SNRNP70: variants seen among roughly 807,000 people sequenced by gnomAD.
The protein encoded by SNRNP70 is small nuclear ribonucleoprotein U1 subunit 70.
In SNRNP70, 8 loss-of-function variants were observed where a neutral mutation model predicts 50.5. That is an observed-to-expected ratio of 0.16 (90% confidence interval 0.09 to 0.29). The LOEUF (loss-of-function observed/expected upper bound fraction) is 0.29. Among genes scored for constraint, SNRNP70 ranks in the 10% least tolerant of loss-of-function variants. The probability of loss-of-function intolerance (pLI) is 1.00; values close to 1 mark genes in which losing one functional copy is unlikely to be tolerated. For missense variants in SNRNP70, 529 were observed against 663.5 expected (o/e 0.80, Z 2.23); for synonymous variants, 320 against 252.9 (o/e 1.27, Z -2.52).
Position 49,107,555 on chromosome 19 carries a change from C to A in SNRNP70, c.578-70C>A. On this transcript the variant is annotated intron_variant, in intron 8 of 9. Transcript: ENST00000598441. This position sits in a 1 kb window ranked among gnomAD's most constrained non-coding sequence, Gnocchi z 6.0. ...CCTTCCTGCCCTTTGCTCTTGGAGT[C>A]GGCTCATTTCTGCTCCTCCGGGCCC... 6.9e-7 allele frequency: 1 copy of A among 1,448,210 alleles called. No individual in the cohort carries two copies. Among genetic ancestry groups the A allele is most frequent in the South Asian group, 1.1e-5 (1 of 87,100 alleles). The allele number at this position is 1,448,210 out of a possible 1,614,324, so 89.7% of individuals were successfully genotyped here. A position where few individuals can be genotyped will look rare whatever the true frequency, so the allele number is the denominator to read the frequency against.
At chr19:49,089,984 A>T (rs116454912) in intron 2 of SNRNP70, among the ~76,000 whole-genome samples, 1 of 151,766 alleles carries the variant, frequency 6.6e-6, no homozygotes, top group Admixed American at 6.6e-5. Flanking sequence ...TAATTTTTAA[A>T]TTTTTTGTGG....
chr19:49,090,581 GT>G (rs1239182506), intron 4 of SNRNP70, 61 bp downstream of exon 4: 1 of 1,515,708 alleles, frequency 6.6e-7, no homozygotes, highest in Non-Finnish European at 9.2e-7. Context: ...TTCTTCCCAG[GT>G]CATACCCAGG....
At chr19:49,106,025 T>C (rs1325450695) in intron 8 of SNRNP70, among the ~76,000 whole-genome samples, 2 of 152,226 alleles carry the variant, frequency 1.3e-5, no homozygotes, top group Non-Finnish European at 2.9e-5. Context: ...GAGAAGATGA[T>C]GGTCCCTGGG....
intron 6 of SNRNP70, 87 bp from the exon 7 acceptor site, chr19:49,101,303 C>A: frequency 1.0e-6 from 1 of 958,834 alleles, no homozygotes; most frequent in Non-Finnish European, 1.7e-6. Context: ...TCATCCGGCC[C>A]AGGGCCTGGT....
Position 49,108,098 on chromosome 19 carries a change from T to A in SNRNP70, c.969T>A (p.Gly323=), listed in dbSNP as rs746735575. 5.2e-6 allele frequency: 8 copies of A among 1,545,060 alleles called. No individual in the cohort carries two copies. The highest frequency in any genetic ancestry group is 7.0e-6 in the Non-Finnish European group (8 of 1,146,050). ...GGDMAEPSEA[G]DAPPDDGPPG... The stretch of plus-strand genomic sequence containing the variant: ...ACATGGCGGAGCCCTCCGAGGCGGG[T>A]GACGCGCCCCCTGATGATGGGCCTC... Residue 323 remains glycine (G), a synonymous_variant, in exon 10 of 10, where the codon GGT becomes GGA. Coordinates refer to ENST00000598441, the MANE Select transcript of SNRNP70 (RefSeq NM_003089.6).
At chr19:49,088,935 A>G (rs1444527006) in intron 2 of SNRNP70, among the ~76,000 whole-genome samples, 1 of 152,174 alleles carries the variant, frequency 6.6e-6, no homozygotes, top group Non-Finnish European at 1.5e-5. Context: ...TGGCACTCAT[A>G]AGCAGGGCCC....
chr19:49,087,582 T>C (rs1016132896), intron 2 of SNRNP70: 4 of 152,220 alleles, frequency 2.6e-5, no homozygotes, highest in African/African-American at 9.7e-5. Flanking sequence ...TAGGAATGAA[T>C]GACTTAGGCT....
intron 6 of SNRNP70, among the ~76,000 whole-genome samples, chr19:49,099,294 A>G (rs548681254): frequency 6.6e-6 from 1 of 152,270 alleles, no homozygotes; most frequent in African/African-American, 2.4e-5. Flanking sequence ...AAAAATATTT[A>G]TACATGTCAG....
chr19:49,101,797 C>A (rs187820602), intron 7 of SNRNP70: 72 of 397,452 alleles, frequency 1.8e-4, no homozygotes, highest in African/African-American at 1.4e-3. Context: ...GGGGGAACCT[C>A]CCCCATTCCC....
At chr19:49,092,254 G>A (rs757723587) in intron 4 of SNRNP70, among the ~76,000 whole-genome samples, 2 of 151,906 alleles carry the variant, frequency 1.3e-5, no homozygotes, top group Non-Finnish European at 2.9e-5. Context: ...GACTACAGGC[G>A]TGCGTCACCA....
intron 4 of SNRNP70, among the ~76,000 whole-genome samples, chr19:49,092,024 T>C (rs1358973059): frequency 1.3e-5 from 2 of 152,212 alleles, no homozygotes; most frequent in South Asian, 2.1e-4. Context: ...CTTCTTTTCA[T>C]GTCCATCATC....
chr19:49,101,485 G>C lies in SNRNP70; in HGVS notation c.475+14G>C. On this transcript the variant is annotated intron_variant, in intron 7 of 9. Coordinates refer to ENST00000598441, the MANE Select transcript of SNRNP70 (RefSeq NM_003089.6). ...GAGACATGCACTGTGAGTACCTCCC[G>C]CCGAGCCCTGCCCTCTGACCTGCTC... is the stretch of plus-strand genomic sequence containing the variant. 1.9e-6 allele frequency: 3 copies of C among 1,594,856 alleles called. No individual in the cohort carries two copies. The highest frequency in any genetic ancestry group is 1.1e-5 in the South Asian group (1 of 90,720).
intron 4 of SNRNP70, among the ~76,000 whole-genome samples, chr19:49,092,705 G>A (rs1341912641): frequency 2.0e-5 from 3 of 152,064 alleles, no homozygotes; most frequent in Non-Finnish European, 2.9e-5. Flanking sequence ...CACCGCAGCC[G>A]GCCTAGTTTG....
intron 7 of SNRNP70, chr19:49,102,985 C>T (rs1396659323): frequency 6.6e-6 from 1 of 152,622 alleles, no homozygotes. Context: ...TTCCCCACTC[C>T]CCTCCCGTGG....
chr19:49,086,150 A>G (rs1249178137), intron 1 of SNRNP70, among the ~76,000 whole-genome samples: 1 of 152,150 alleles, frequency 6.6e-6, no homozygotes, highest in Non-Finnish European at 1.5e-5. Context: ...AGCTCGTGTC[A>G]GAGGACTCTG....
chr19:49,101,512 C>T, intron 7 of SNRNP70, 41 bp downstream of exon 7: 14 of 1,408,872 alleles, frequency 9.9e-6, no homozygotes, highest in Non-Finnish European at 1.4e-5. Context: ...GACCTGCTCT[C>T]ACTTCTCTGC....
Position 49,086,477 on chromosome 19 carries a change from C to T in SNRNP70, c.63C>T (p.Tyr21=), listed in dbSNP as rs1256725779. The T allele has an allele frequency of 1.9e-6, 3 of 1,614,136 alleles. No homozygotes were observed. The highest frequency in any genetic ancestry group is 1.6e-4 in the Middle Eastern group (1 of 6,062). The change falls in exon 2 of 10, where the codon TAC becomes TAT. Residue 21 remains tyrosine, a synonymous_variant. Coordinates refer to ENST00000598441, the MANE Select transcript of SNRNP70 (RefSeq NM_003089.6). The stretch of plus-strand genomic sequence containing the variant: ...TTGCCCCCCGTGACCCTATTCCATA[C>T]CTGCCACCCCTGGAGAAACTGCCAC... ...ALFAPRDPIP[Y]LPPLEKLPHE... is the part of the protein sequence containing the mutation.
At position 49,107,255 on chromosome 19, in the gene SNRNP70, C is replaced by T. The variant is rs1478677106; in HGVS notation, c.578-370C>T. On this transcript the variant is annotated intron_variant, in intron 8 of 9. Coordinates refer to ENST00000598441, the MANE Select transcript of SNRNP70 (RefSeq NM_003089.6). The surrounding 1 kb of genome is among the most constrained non-coding windows in gnomAD (Gnocchi z 6.0). ...TTAGGCTGGGGGACGCCAGCAAAGG[C>T]TTCTAAGCAGATCACATTTTTGGGT... Among the ~76,000 whole-genome samples the T allele has an allele frequency of 6.6e-6, 1 of 152,212 alleles. No individual in the cohort carries two copies. Among genetic ancestry groups the T allele is most frequent in the East Asian group, 1.9e-4 (1 of 5,198 alleles).
At position 49,107,838 on chromosome 19, in the gene SNRNP70, C is replaced by A; in HGVS notation, c.709C>A (p.Arg237Ser). The A allele has an allele frequency of 1.3e-6, 2 of 1,577,648 alleles. No individual in the cohort carries two copies. Among genetic ancestry groups the A allele is most frequent in the Non-Finnish European group, 1.7e-6 (2 of 1,162,204 alleles). The change falls in exon 10 of 10, where the codon CGT becomes AGT. Residue 237 changes from arginine (R) to serine (S), a missense_variant. Arg to Ser is a moderately radical substitution (Grantham distance 110). Coordinates refer to ENST00000598441, the MANE Select transcript of SNRNP70 (RefSeq NM_003089.6). The surrounding 1 kb of genome is among the most constrained non-coding windows in gnomAD (Gnocchi z 6.0). Reference protein sequence around the residue: ...PLPHRDRDRDRERERRERSRE... With the variant: ...PLPHRDRDRDSERERRERSRE... ...TCCGCACAGGGACCGGGACCGGGAC[C>A]GTGAGCGGGAGCGCAGAGAGCGGAG...
Sources: allele counts gnomAD v4.1 joint callset (sites outside exome capture counted in the v4.1 genomes callset), GRCh38; gene constraint gnomAD v4.1.1; non-coding constraint Gnocchi (gnomAD v3.1); transcripts MANE v1.5; gene names NCBI Gene and HGNC (gene_info 2026-07-23, HGNC 2026-07-21).